IL15: variants seen among roughly 807,000 people sequenced by gnomAD.
The protein encoded by IL15 is interleukin 15.
IL15 carries 11 observed loss-of-function variants against 19.6 expected under a neutral mutation model. The observed-to-expected ratio is 0.56, with a 90% confidence interval of 0.35 to 0.93. The LOEUF (loss-of-function observed/expected upper bound fraction) is 0.93. Ranked by LOEUF, IL15 falls within the 40% of genes least tolerant of loss-of-function variation. The pLI, the probability that IL15 is intolerant of heterozygous loss-of-function variation, is 0.01. For missense variants in IL15, 197 were observed against 186.5 expected, an observed-to-expected ratio of 1.06 and a Z score of -0.33; for synonymous variants, 58 against 59.6, an observed-to-expected ratio of 0.97 and a Z score of 0.12.
At chr4:141,645,227 A>AT (rs1334397754) in intron 1 of IL15, among the ~76,000 whole-genome samples, 1 of 152,110 alleles carries the variant, frequency 6.6e-6, no homozygotes, top group Non-Finnish European at 1.5e-5. Context: ...TTCCACTTTA[A>AT]TTTTTTGGGA....
chr4:141,700,218 T>C, intron 2 of IL15, among the ~76,000 whole-genome samples: 1 of 152,146 alleles, frequency 6.6e-6, no homozygotes, highest in East Asian at 1.9e-4. Context: ...TGTGCCTGGC[T>C]GAGATTTATT....
intron 1 of IL15, among the ~76,000 whole-genome samples, chr4:141,646,366 C>G (rs937596535): frequency 1.3e-5 from 2 of 152,024 alleles, no homozygotes. Context: ...TTCTATTCAC[C>G]AACCATACTA....
intron 2 of IL15, among the ~76,000 whole-genome samples, chr4:141,661,484 G>C (rs1341312972): frequency 6.6e-6 from 1 of 152,172 alleles, no homozygotes; most frequent in Non-Finnish European, 1.5e-5. Flanking sequence ...CTCAGAGATG[G>C]TGCACGTGCC....
chr4:141,714,384 C>T (rs1199073839), intron 2 of IL15, among the ~76,000 whole-genome samples: 4 of 152,020 alleles, frequency 2.6e-5, no homozygotes, highest in Non-Finnish European at 4.4e-5. Flanking sequence ...ATAAGTCAGT[C>T]CCATCAGCAT....
At chr4:141,714,860 C>T (rs1729823396) in intron 2 of IL15, 1 of 152,132 alleles carries the variant, frequency 6.6e-6, no homozygotes, top group Non-Finnish European at 1.5e-5. Context: ...TACATCACTC[C>T]CTCATGAGCA....
chr4:141,700,175 C>T (rs1729236637), intron 2 of IL15, among the ~76,000 whole-genome samples: 1 of 152,002 alleles, frequency 6.6e-6, no homozygotes, highest in Non-Finnish European at 1.5e-5. Flanking sequence ...TGCCTCAGCC[C>T]CTCAAAGTGC....
At chr4:141,725,500 C>T (rs1730226987) in intron 5 of IL15, among the ~76,000 whole-genome samples, 1 of 152,148 alleles carries the variant, frequency 6.6e-6, no homozygotes, top group Admixed American at 6.5e-5. Context: ...TGCTGGTACC[C>T]TGATTTCAGA....
chr4:141,657,355 G>A (rs543953479), intron 2 of IL15, among the ~76,000 whole-genome samples: 1 of 151,948 alleles, frequency 6.6e-6, no homozygotes, highest in Non-Finnish European at 1.5e-5. Flanking sequence ...ACTGTAAACT[G>A]TATAAACACT....
chr4:141,653,472 T>C (rs1727479835), intron 1 of IL15, among the ~76,000 whole-genome samples: 1 of 152,196 alleles, frequency 6.6e-6, no homozygotes, highest in Non-Finnish European at 1.5e-5. Flanking sequence ...ATGCAACCAG[T>C]GCTATCATTT....
intron 1 of IL15, among the ~76,000 whole-genome samples, 173 bp from the exon 2 acceptor site, chr4:141,656,013 G>T (rs994762990): frequency 6.6e-6 from 1 of 152,186 alleles, no homozygotes; most frequent in African/African-American, 2.4e-5. Flanking sequence ...TCTGAGGATT[G>T]TAGAAAAGAT....
intron 2 of IL15, among the ~76,000 whole-genome samples, chr4:141,685,961 G>A (rs939352584): frequency 1.3e-5 from 2 of 152,068 alleles, no homozygotes; most frequent in Non-Finnish European, 2.9e-5. Flanking sequence ...TCTTAAACCT[G>A]TTTGATATTA....
chr4:141,649,006 A>C (rs1022712247), intron 1 of IL15, among the ~76,000 whole-genome samples: 2 of 152,136 alleles, frequency 1.3e-5, no homozygotes, highest in Non-Finnish European at 2.9e-5. Context: ...GTCTCGTGGA[A>C]CAATTATTGT....
At chr4:141,644,738 T>A (rs1727170223) in intron 1 of IL15, among the ~76,000 whole-genome samples, 1 of 152,048 alleles carries the variant, frequency 6.6e-6, no homozygotes, top group Non-Finnish European at 1.5e-5. Context: ...CTTCCCCTTG[T>A]CCCAACATAC....
chr4:141,669,413 C>T (rs1490116821), intron 2 of IL15, among the ~76,000 whole-genome samples: 1 of 152,114 alleles, frequency 6.6e-6, no homozygotes, highest in Non-Finnish European at 1.5e-5. Context: ...ATTGTATTTA[C>T]AGGACTTCAG....
At chr4:141,653,982 A>C (rs1317960731) in intron 1 of IL15, among the ~76,000 whole-genome samples, 2 of 152,220 alleles carry the variant, frequency 1.3e-5, no homozygotes, top group Non-Finnish European at 1.5e-5. Flanking sequence ...ATCTGCTTCG[A>C]TGTAATCCAA....
Position 141,679,913 on chromosome 4 carries a change from A to G in IL15, c.-100+23606A>G, listed in dbSNP as rs565163676. On this transcript the variant is annotated intron_variant, in intron 2 of 7. Transcript: ENST00000320650. ...AGGATGAGCTATAACTTCTCTTCCT[A>G]GAAGGGAGGACATTATGAGCAACAT... 7.2e-5 allele frequency among the ~76,000 whole-genome samples: 11 copies of G among 152,340 alleles called. No individual in the cohort carries two copies. The South Asian group carries it at 2.3e-3, about 32-fold the overall frequency.
intron 2 of IL15, chr4:141,688,789 C>T (rs1728793444): frequency 1.3e-5 from 2 of 151,800 alleles, no homozygotes; most frequent in Non-Finnish European, 2.9e-5. Context: ...ACTGAGTTAA[C>T]TTTCCCTCAG....
At chr4:141,690,181 C>T (rs1438601364) in intron 2 of IL15, among the ~76,000 whole-genome samples, 1 of 152,228 alleles carries the variant, frequency 6.6e-6, no homozygotes, top group Non-Finnish European at 1.5e-5. Flanking sequence ...CATGCCCACA[C>T]GGAACTCCAG....
chr4:141,691,227 GA>G (rs1366609565), intron 2 of IL15, among the ~76,000 whole-genome samples: 2 of 150,076 alleles, frequency 1.3e-5, no homozygotes, highest in Non-Finnish European at 3.0e-5. Context: ...CAGCATGGGG[GA>G]AATTGCCCCT....
Sources: gnomAD v4.1 joint callset for allele counts (sites outside exome capture counted in the v4.1 genomes callset) on GRCh38, gnomAD v4.1.1 for gene constraint, MANE v1.5 for transcripts, NCBI Gene and HGNC (gene_info 2026-07-23, HGNC 2026-07-21) for gene names.